MTRR: variants seen among roughly 807,000 people sequenced by gnomAD.
The protein encoded by MTRR is methionine synthase reductase.
MTRR carries 63 observed loss-of-function variants against 79.2 expected under a neutral mutation model. That is an observed-to-expected ratio of 0.80 (90% CI 0.65 to 0.98). The LOEUF is 0.98. Ranked by LOEUF, MTRR falls within the 50% of genes least tolerant of loss-of-function variation. MTRR has a pLI of 0.00. For synonymous variants in MTRR, 355 were observed against 313.3 expected (o/e 1.13, Z -1.41); for missense variants, 895 against 839.6 (o/e 1.07, Z -0.82).
At chr5:7,868,303 C>CA (rs1288166849), upstream of MTRR, 3 of 488,200 alleles carry the variant, frequency 6.1e-6, no homozygotes, top group Non-Finnish European at 1.1e-5. Flanking sequence ...TGAACAATAA[C>CA]AATCGCTATT....
In MTRR at chr5:7,900,089, T is replaced by G; in HGVS notation, c.*31T>G. On this transcript the variant is annotated 3_prime_UTR_variant, in exon 15 of 15. Coordinates refer to ENST00000440940, the MANE Select transcript of MTRR (RefSeq NM_002454.3). The stretch of plus-strand genomic sequence containing the variant: ...GAAATTAAAGAAAGAGGATTAAGCT[T>G]TTTTGACTGAAAGTACTAAAAGTCA... The G allele has an allele frequency of 6.2e-7, 1 of 1,610,596 alleles. No homozygotes were observed. Among genetic ancestry groups the G allele is most frequent in the Non-Finnish European group, 8.5e-7 (1 of 1,179,120 alleles).
intron 5 of MTRR, among the ~76,000 whole-genome samples, chr5:7,880,713 A>C (rs560424238): frequency 6.6e-6 from 1 of 152,164 alleles, no homozygotes; most frequent in Admixed American, 6.5e-5. Context: ...CCATGATGAT[A>C]GATCTTAACG....
At position 7,897,315 on chromosome 5, in the gene MTRR, G is replaced by A; in HGVS notation, c.1952+68G>A. ...AGTGATGTCTGTAGAAGAAAAAAAG[G>A]ACCGAGAAGCCAATAATCTAGATAT... On this transcript the variant is annotated intron_variant, in intron 14 of 14. Transcript: ENST00000440940. 4.6e-6 allele frequency: 7 copies of A among 1,511,352 alleles called. No homozygotes were observed. In the South Asian group the frequency reaches 7.9e-5, roughly 17 times the overall value. 93.6% of individuals were successfully genotyped at this position (1,511,352 alleles called of 1,614,324 possible).
chr5:7,869,244 G>T (rs374300772), intron 1 of MTRR, 29 bp downstream of exon 1: 128 of 1,601,050 alleles, frequency 8.0e-5, no homozygotes, highest in Non-Finnish European at 1.0e-4. Context: ...ACGGTTCCCG[G>T]ATTCCGGCCG....
At chr5:7,870,017 C>T (rs900904543) in intron 1 of MTRR, 1 of 985,212 alleles carries the variant, frequency 1.0e-6, no homozygotes, top group African/African-American at 1.7e-5. Context: ...AATTGACAGC[C>T]CACCAATTTT....
At chr5:7,896,302 A>G (rs1310056533) in intron 12 of MTRR, 2 of 184,792 alleles carry the variant, frequency 1.1e-5, no homozygotes, top group Non-Finnish European at 2.3e-5. Context: ...AGTATTTGAT[A>G]TGAAATAAGT....
At chr5:7,867,557 G>C (rs1386006659), upstream of MTRR, 3 of 1,614,140 alleles carry the variant, frequency 1.9e-6, no homozygotes, top group African/African-American at 4.0e-5. Context: ...CACTAAACTA[G>C]TGTTTGACAG....
At chr5:7,899,725 T>C (rs1739165860) in intron 14 of MTRR, among the ~76,000 whole-genome samples, 189 bp from the exon 15 acceptor site, 2 of 152,274 alleles carry the variant, frequency 1.3e-5, no homozygotes, top group Non-Finnish European at 2.9e-5. Context: ...CTCTGTCTCC[T>C]AGAACAGTCA....
At chr5:7,899,343 TA>T (rs1437775187) in intron 14 of MTRR, among the ~76,000 whole-genome samples, 1 of 152,206 alleles carries the variant, frequency 6.6e-6, no homozygotes, top group Non-Finnish European at 1.5e-5. Flanking sequence ...CAGACGTTTC[TA>T]ACGTCGGAAG....
intron 14 of MTRR, among the ~76,000 whole-genome samples, chr5:7,898,997 T>C (rs1183067973): frequency 2.0e-5 from 3 of 151,956 alleles, no homozygotes; most frequent in Non-Finnish European, 4.4e-5. Context: ...CCCAGGAAGC[T>C]TCCACTCTGA....
At chr5:7,868,992 G>GCAAT, upstream of MTRR, 1 of 948,972 alleles carries the variant, frequency 1.1e-6, no homozygotes, top group Middle Eastern at 2.7e-4. Context: ...GCTCTGCCGG[G>GCAAT]CAATCACTCC....
At chr5:7,851,187 G>A, upstream of MTRR, 1 of 770,326 alleles carries the variant, frequency 1.3e-6, no homozygotes, top group Non-Finnish European at 1.8e-6. Context: ...CTGCCCTGCA[G>A]CATTCCCGCT....
At chr5:7,898,004 T>C (rs1738826702) in intron 14 of MTRR, among the ~76,000 whole-genome samples, 1 of 152,160 alleles carries the variant, frequency 6.6e-6, no homozygotes, top group South Asian at 2.1e-4. Context: ...ACAAGTTTCA[T>C]GAAACAAAGC....
At chr5:7,895,882 T>C (rs756834906) in intron 12 of MTRR, 30 bp downstream of exon 12, 7 of 1,613,734 alleles carry the variant, frequency 4.3e-6, no homozygotes, top group Middle Eastern at 1.6e-4. Context: ...AATGGGAAAA[T>C]GTATTCCTGA....
intron 1 of MTRR, among the ~76,000 whole-genome samples, chr5:7,855,861 A>G (rs2126577752): frequency 6.6e-6 from 1 of 152,298 alleles, no homozygotes; most frequent in South Asian, 2.1e-4. Flanking sequence ...TGGGATTACA[A>G]GTACTGGATG....
In MTRR at chr5:7,900,909, C is replaced by G. The variant is rs1475470394; in HGVS notation, c.*851C>G. ...CAAGCAGTGTGCTGGACCTAAAATA[C>G]TGACTTTAGTTAGTATCCTTGGATT... is the stretch of plus-strand genomic sequence containing the variant. On this transcript the variant is annotated 3_prime_UTR_variant, in exon 15 of 15. Transcript: ENST00000440940. 1.3e-5 allele frequency: 2 copies of G among 152,132 alleles called. No homozygotes were observed. Among genetic ancestry groups the G allele is most frequent in the Non-Finnish European group, 2.9e-5 (2 of 68,010 alleles). The allele number at this position is 152,132 out of a possible 1,614,324, so 9.4% of individuals were successfully genotyped here.
At position 7,883,328 on chromosome 5, in the gene MTRR, G is replaced by A. The variant is rs367978618; in HGVS notation, c.903+51G>A. Reference sequence around the variant, plus strand: ...CACAGTAATATTGTCAGGATGTGCAGAAAGAGTTGTGTGGTGCTTGGTTAT... The same window carrying A: ...CACAGTAATATTGTCAGGATGTGCAAAAAGAGTTGTGTGGTGCTTGGTTAT... On this transcript the variant is annotated intron_variant, in intron 6 of 14. Coordinates refer to ENST00000440940, the MANE Select transcript of MTRR (RefSeq NM_002454.3). The A allele has an allele frequency of 1.9e-6, 3 of 1,612,048 alleles. No individual in the cohort carries two copies. In the African/African-American group the frequency reaches 4.0e-5, roughly 22 times the overall value.
chr5:7,856,468 G>A (rs894249605), intron 1 of MTRR, among the ~76,000 whole-genome samples: 1 of 152,150 alleles, frequency 6.6e-6, no homozygotes, highest in Non-Finnish European at 1.5e-5. Flanking sequence ...TTCACCGCGA[G>A]CTGTACGATA....
intron 10 of MTRR, 104 bp from the exon 11 acceptor site, chr5:7,892,623 G>C (rs1317870454): frequency 8.0e-7 from 1 of 1,255,714 alleles, no homozygotes; most frequent in Non-Finnish European, 1.2e-6. Context: ...AGGTAGATTA[G>C]AGCCTATAAG....
Sources: allele counts gnomAD v4.1 joint callset (sites outside exome capture counted in the v4.1 genomes callset), GRCh38; gene constraint gnomAD v4.1.1; transcripts MANE v1.5; gene names NCBI Gene and HGNC (gene_info 2026-07-23, HGNC 2026-07-21).